Variants in LTC4S observed in about 807,000 individuals in gnomAD.
The protein encoded by LTC4S is LTC4 synthase.
In LTC4S, 18 loss-of-function variants were observed where a neutral mutation model predicts 19.6. The observed-to-expected ratio is 0.92, with a 90% CI of 0.64 to 1.36. The LOEUF is 1.36. Among genes scored for constraint, LTC4S ranks in the 40% most tolerant of loss-of-function variants. The probability of loss-of-function intolerance (pLI) is 0.00; values close to 1 mark genes in which losing one functional copy is unlikely to be tolerated. For synonymous variants in LTC4S, 126 were observed against 110.1 expected (o/e 1.14, Z -0.91); for missense variants, 235 against 212.2 (o/e 1.11, Z -0.67).
rs1230819364 is a variant in LTC4S at position 179,794,105 on chromosome 5, G to C, written c.25G>C (p.Ala9Pro). ...CATGAAGGACGAGGTAGCTCTACTGGCTGCTGTCACCCTCCTGGGAGTCCT... is the reference window on the plus strand; with the variant it reads ...CATGAAGGACGAGGTAGCTCTACTGCCTGCTGTCACCCTCCTGGGAGTCCT... The part of the protein sequence containing the change: MKDEVALL[A>P]AVTLLGVLLQ... Residue 9 changes from alanine to proline, a missense_variant, in exon 1 of 5, where the codon GCT becomes CCT. Transcript: ENST00000292596. 3 of 1,613,700 alleles carry C rather than the reference G, an allele frequency of 1.9e-6. No individual in the cohort carries two copies. The South Asian group carries it at 3.3e-5, about 18-fold the overall frequency.
At chr5:179,795,461 G>A (rs919860291) in intron 1 of LTC4S, 123 bp from the exon 2 acceptor site, 19 of 1,506,104 alleles carry the variant, frequency 1.3e-5, no homozygotes, top group Non-Finnish European at 1.7e-5. Flanking sequence ...GGAGGGGGCG[G>A]GGTTCCGCCT....
In LTC4S at chr5:179,795,808, C is replaced by A. The variant is rs775692778; in HGVS notation, c.181C>A (p.Pro61Thr). 16 of 1,605,142 alleles carry A rather than the reference C, an allele frequency of 1.0e-5. No individual in the cohort carries two copies. Among genetic ancestry groups the A allele is most frequent in the Non-Finnish European group, 1.4e-5 (16 of 1,177,672 alleles). ...RAQVNCSEYF[P>T]LFLATLWVAG... ...CAGGGTGAACTGCAGCGAGTACTTCCCGCTGTTCCTCGCCACGCTCTGGGT... is the reference window on the plus strand; with the variant it reads ...CAGGGTGAACTGCAGCGAGTACTTCACGCTGTTCCTCGCCACGCTCTGGGT... The change falls in exon 3 of 5, where the codon CCG becomes ACG. Residue 61 changes from proline to threonine, a missense_variant. Pro to Thr is a conservative substitution (Grantham distance 38). Transcript: ENST00000292596.
At position 179,796,434 on chromosome 5, in the gene LTC4S, C is replaced by T. The variant is rs1030929009; in HGVS notation, c.*40C>T. The T allele has an allele frequency of 4.6e-5, 68 of 1,463,966 alleles. No individual in the cohort carries two copies. The highest frequency in any genetic ancestry group is 3.7e-4 in the Admixed American group (15 of 40,700). The allele number at this position is 1,463,966 out of a possible 1,614,324, so 90.7% of individuals were successfully genotyped here. On this transcript the variant is annotated 3_prime_UTR_variant, in exon 5 of 5. Coordinates refer to ENST00000292596, the MANE Select transcript of LTC4S (RefSeq NM_145867.2). Reference sequence around the variant, plus strand: ...GGCCGACGGAGCCGGGAAAGAAGAGCCGGAGCCTCCAGCTGCCCCGGGGAG... The same window carrying T: ...GGCCGACGGAGCCGGGAAAGAAGAGTCGGAGCCTCCAGCTGCCCCGGGGAG...
rs1010809704 is a variant in LTC4S, at chr5:179,796,447, C to T, written c.*53C>T. 6.1e-5 allele frequency: 88 copies of T among 1,451,326 alleles called. 1 individual carries two copies. The Admixed American group carries it at 2.3e-3, about 38-fold the overall frequency. The allele number at this position is 1,451,326 out of a possible 1,614,324, so 89.9% of individuals were successfully genotyped here. On this transcript the variant is annotated 3_prime_UTR_variant, in exon 5 of 5. Transcript: ENST00000292596. ...GGGAAAGAAGAGCCGGAGCCTCCAG[C>T]TGCCCCGGGGAGGGGCGCTCGCTTC... is the stretch of plus-strand genomic sequence containing the variant.
Position 179,795,854 on chromosome 5 carries a change from A to C in LTC4S, c.227A>C (p.Glu76Ala). 1.9e-6 allele frequency: 3 copies of C among 1,605,552 alleles called. No homozygotes were observed. Among genetic ancestry groups the C allele is most frequent in the Middle Eastern group, 1.7e-4 (1 of 5,950 alleles). Residue 76 changes from glutamate (E) to alanine (A), a missense_variant and splice_region_variant, in exon 3 of 5, where the codon GAA becomes GCA. By Grantham distance (107) the Glu-to-Ala change is moderately radical (BLOSUM62 -1). Coordinates refer to ENST00000292596, the MANE Select transcript of LTC4S (RefSeq NM_145867.2). ...TLWVAGIFFH[E>A]GAAALCGLVY... ...TGGGTCGCCGGCATCTTCTTTCATG[A>C]AGGTCGGGGTGTGGGGCAGGGGCGC...
Position 179,796,631 on chromosome 5 carries a change from C to G in LTC4S, c.*237C>G, listed in dbSNP as rs988709703. On this transcript the variant is annotated 3_prime_UTR_variant, in exon 5 of 5. Coordinates refer to ENST00000292596, the MANE Select transcript of LTC4S (RefSeq NM_145867.2). Reference sequence around the variant, plus strand: ...CTTCCTAGTGGCGGCGTGAGAGTGGCTGCGAAGGAACGAGCCCTCCCCCTG... The same window carrying G: ...CTTCCTAGTGGCGGCGTGAGAGTGGGTGCGAAGGAACGAGCCCTCCCCCTG... 2 of 495,404 alleles carry G rather than the reference C, an allele frequency of 4.0e-6. No individual in the cohort carries two copies. Among genetic ancestry groups the G allele is most frequent in the Non-Finnish European group, 3.3e-6 (1 of 302,680 alleles). 30.7% of individuals were successfully genotyped at this position (495,404 alleles called of 1,614,324 possible). A position where few individuals can be genotyped will look rare whatever the true frequency, so the allele number is the denominator to read the frequency against.
chr5:179,795,964 G>A lies in LTC4S; in HGVS notation c.253G>A (p.Val85Ile), dbSNP rs752247231. Residue 85 changes from valine (V) to isoleucine (I), a missense_variant, in exon 4 of 5, where the codon GTC (valine) becomes ATC (isoleucine). Transcript: ENST00000292596. ...HEGAAALCGL[V>I]YLFARLRYFQ... is the part of the protein sequence containing the mutation. The stretch of plus-strand genomic sequence containing the variant: ...AGGGGCGGCGGCCCTGTGCGGCCTG[G>A]TCTACCTGTTCGCGCGCCTCCGCTA... The A allele has an allele frequency of 6.4e-6, 10 of 1,550,590 alleles. No homozygotes were observed. Among genetic ancestry groups the A allele is most frequent in the Non-Finnish European group, 8.7e-6 (10 of 1,154,132 alleles).
intron 1 of LTC4S, 166 bp from the exon 2 acceptor site, chr5:179,795,418 G>A: frequency 6.8e-7 from 1 of 1,471,392 alleles, no homozygotes. Flanking sequence ...GGGCAGGCCA[G>A]GGATGGGTGA....
rs766035350 is a variant in LTC4S at position 179,794,035 on chromosome 5, C to T, written c.-46C>T. The T allele has an allele frequency of 2.7e-5, 43 of 1,612,948 alleles. No individual in the cohort carries two copies. In the African/African-American group the frequency reaches 5.6e-4, roughly 21 times the overall value. On this transcript the variant is annotated 5_prime_UTR_variant, in exon 1 of 5. Transcript: ENST00000292596. ...AGCAGCAGACGGGGCTAAGCGTTCC[C>T]CAGCTCGCCTTCACACACAGCCCGT...
intron 1 of LTC4S, among the ~76,000 whole-genome samples, chr5:179,794,821 C>G (rs1756556799): frequency 6.6e-6 from 1 of 152,202 alleles, no homozygotes; most frequent in African/African-American, 2.4e-5. Context: ...CAGCACTGGT[C>G]TGTGTGTGGT....
In LTC4S at chr5:179,796,337, G is replaced by C; in HGVS notation, c.396G>C (p.Pro132=). ...AALGLLAHFL[P]AALRAALLGR... ...TCGGCCTGCTCGCCCACTTCCTCCC[G>C]GCCGCGCTGCGCGCCGCGCTCCTCG... The change falls in exon 5 of 5, where the codon CCG becomes CCC. Residue 132 remains proline (P), a synonymous_variant. Coordinates refer to ENST00000292596, the MANE Select transcript of LTC4S (RefSeq NM_145867.2). 6 of 1,488,614 alleles carry C rather than the reference G, an allele frequency of 4.0e-6. No individual in the cohort carries two copies. Among genetic ancestry groups the C allele is most frequent in the Non-Finnish European group, 5.3e-6 (6 of 1,127,038 alleles). The allele number at this position is 1,488,614 out of a possible 1,614,324, so 92.2% of individuals were successfully genotyped here.
chr5:179,795,687 AGGCGCGGCGGGAG>A lies in LTC4S; in HGVS notation c.158+12_158+24del, dbSNP rs775614718. 6.3e-6 allele frequency: 10 copies of A among 1,594,276 alleles called. No individual in the cohort carries two copies. In the East Asian group the frequency reaches 2.3e-4, roughly 36 times the overall value. On this transcript the variant is annotated splice_donor_5th_base_variant and intron_variant, in intron 2 of 4. Transcript: ENST00000292596. ...TCGAGCGCGTCTACCGAGCCCAGTG[AGGCGCGGCGGGAG>A]GGCGCGGGGCGGGGAGCGAGCCCCA...
chr5:179,795,324 C>G (rs1172278228), intron 1 of LTC4S: 1 of 1,334,560 alleles, frequency 7.5e-7, no homozygotes, highest in Middle Eastern at 2.8e-4. Context: ...CACTCACCCT[C>G]CCCCATACAC....
Position 179,796,032 on chromosome 5 carries a change from G to C in LTC4S, c.311+10G>C, listed in dbSNP as rs1241855949. The C allele has an allele frequency of 5.3e-6, 8 of 1,514,452 alleles. No homozygotes were observed. The highest frequency in any genetic ancestry group is 4.0e-5 in the Admixed American group (2 of 49,496). The allele number at this position is 1,514,452 out of a possible 1,614,324, so 93.8% of individuals were successfully genotyped here. On this transcript the variant is annotated intron_variant, in intron 4 of 4. Transcript: ENST00000292596. ...GCTCCGCGCAGCTCAGGTGAGGGCC[G>C]GGCGGGGAGCGGGGCGGGGCCGGGG...
intron 4 of LTC4S, 53 bp from the exon 5 acceptor site, chr5:179,796,185 GGGCCAGGGTTGCGGC>G: frequency 7.6e-7 from 1 of 1,318,380 alleles, no homozygotes; most frequent in Non-Finnish European, 9.9e-7. Flanking sequence ...AGTCCCCGTG[GGGCCAGGGTTGCGGC>G]GGGGAAGAAG....
rs1171983880 is a variant in LTC4S at position 179,795,917 on chromosome 5, C to A, written c.230-24C>A. ...CCCGGGACCCGCGCAGGGCGCTCACCAGGCCCGTGCGTACCTCTCGCAGGG... is the reference window on the plus strand; with the variant it reads ...CCCGGGACCCGCGCAGGGCGCTCACAAGGCCCGTGCGTACCTCTCGCAGGG... On this transcript the variant is annotated intron_variant, in intron 3 of 4. Transcript: ENST00000292596. The A allele has an allele frequency of 4.4e-6, 7 of 1,580,578 alleles. No homozygotes were observed. The African/African-American group carries it at 9.4e-5, about 21-fold the overall frequency.
intron 1 of LTC4S, 66 bp from the exon 2 acceptor site, chr5:179,795,518 C>T (rs1305086814): frequency 1.3e-6 from 2 of 1,543,148 alleles, no homozygotes; most frequent in Admixed American, 1.9e-5. Flanking sequence ...TTGCAGGATC[C>T]CTCCCACTCC....
At chr5:179,794,266 A>G in intron 1 of LTC4S, 128 bp downstream of exon 1, 1 of 1,223,844 alleles carries the variant, frequency 8.2e-7, no homozygotes, top group Non-Finnish European at 1.2e-6. Flanking sequence ...GAGGGTGGGG[A>G]CTTTCAGGGA....
chr5:179,796,164 C>A (rs371659152), intron 4 of LTC4S, 89 bp from the exon 5 acceptor site: 10 of 1,263,624 alleles, frequency 7.9e-6, no homozygotes, highest in Admixed American at 3.5e-5. Flanking sequence ...GCCCTGGCGG[C>A]GGCCAGAGGA....
Sources: allele counts gnomAD v4.1 joint callset (sites outside exome capture counted in the v4.1 genomes callset), GRCh38; gene constraint gnomAD v4.1.1; transcripts MANE v1.5; gene names NCBI Gene and HGNC (gene_info 2026-07-23, HGNC 2026-07-21).